CACNA1I: variants seen among roughly 807,000 people sequenced by gnomAD.
CACNA1I encodes the protein voltage-dependent T-type calcium channel subunit alpha-1I.
Under a neutral mutation model 201.6 loss-of-function variants are expected in CACNA1I, and 74 were observed. That is an observed-to-expected ratio of 0.37 (90% CI 0.30 to 0.45). The LOEUF (loss-of-function observed/expected upper bound fraction) is 0.45, where lower values mean the gene tolerates loss of function less well. CACNA1I is among the 20% of genes least tolerant of loss of function. The pLI, the probability that CACNA1I is intolerant of heterozygous loss-of-function variation, is 1.00. For synonymous variants in CACNA1I, 1,431 were observed against 1,345.2 expected (o/e 1.06, Z -1.40); for missense variants, 2,346 against 3,138.1 (o/e 0.75, Z 6.03).
chr22:39,580,119 G>A (rs1932501353), intron 1 of CACNA1I, among the ~76,000 whole-genome samples: 1 of 152,180 alleles, frequency 6.6e-6, no homozygotes, highest in South Asian at 2.1e-4. Flanking sequence ...AGATTTGGAG[G>A]AGACACACAT....
At chr22:39,654,751 G>A (rs979952017) in intron 10 of CACNA1I, among the ~76,000 whole-genome samples, 2 of 152,110 alleles carry the variant, frequency 1.3e-5, no homozygotes, top group Admixed American at 6.5e-5. Flanking sequence ...ATGACTAGGA[G>A]TTCATCAGCG....
At chr22:39,582,923 ACCATCCATCCATCCAAGCATCCAACTAT>A (rs1841621687) in intron 1 of CACNA1I, among the ~76,000 whole-genome samples, 3 of 144,608 alleles carry the variant, frequency 2.1e-5, no homozygotes, top group Non-Finnish European at 3.0e-5. Context: ...CATCCATCTA[ACCATCCATCCATCCAAGCATCCAACTAT>A]CCATCCATCC....
intron 4 of CACNA1I, among the ~76,000 whole-genome samples, chr22:39,623,173 G>A (rs1456050802): frequency 6.6e-6 from 1 of 151,944 alleles, no homozygotes; most frequent in Non-Finnish European, 1.5e-5. Context: ...GTGAGGGTGT[G>A]TGTGGGTGTG....
intron 3 of CACNA1I, among the ~76,000 whole-genome samples, chr22:39,610,599 C>T (rs1443056993): frequency 6.6e-6 from 1 of 152,182 alleles, no homozygotes; most frequent in East Asian, 1.9e-4. Flanking sequence ...AGGACTATCT[C>T]TGTTACGTGG....
intron 4 of CACNA1I, among the ~76,000 whole-genome samples, chr22:39,626,543 A>G (rs950260678): frequency 6.6e-6 from 1 of 151,728 alleles, no homozygotes; most frequent in Non-Finnish European, 1.5e-5. Context: ...CGTGGCGGGA[A>G]AAGGAGAGGG....
At chr22:39,620,004 CACCTGTCT>C in intron 4 of CACNA1I, among the ~76,000 whole-genome samples, 1 of 148,716 alleles carries the variant, frequency 6.7e-6, no homozygotes, top group Admixed American at 6.7e-5. Flanking sequence ...TCCACCCATC[CACCTGTCT>C]ATCCATCCAT....
At position 39,684,447 on chromosome 22, in the gene CACNA1I, C is replaced by A. The variant is rs1469029439; in HGVS notation, c.5976C>A (p.Gly1992=). 1 of 1,613,458 alleles carries A rather than the reference C, an allele frequency of 6.2e-7. No individual in the cohort carries two copies. Among genetic ancestry groups the A allele is most frequent in the African/African-American group, 1.3e-5 (1 of 74,936 alleles). ...TGTLPKIALQ[G]SWASLRSPRV... ...CCCTCCCCAAGATTGCGCTGCAGGGCTCCTGGGCATCTCTGCGGTCACCAA... is the reference window on the plus strand; with the variant it reads ...CCCTCCCCAAGATTGCGCTGCAGGGATCCTGGGCATCTCTGCGGTCACCAA... The change falls in exon 36 of 37, where the codon GGC becomes GGA. Residue 1992 remains glycine (G), a synonymous_variant. Transcript: ENST00000402142. The surrounding 1 kb of genome is among the most constrained non-coding windows in gnomAD (Gnocchi z 4.6).
intron 20 of CACNA1I, 36 bp from the exon 21 acceptor site, chr22:39,664,703 C>CCCCG: frequency 1.8e-6 from 2 of 1,092,570 alleles, no homozygotes; most frequent in Non-Finnish European, 2.7e-6. Flanking sequence ...CCGCCCCTCC[C>CCCCG]GCGGCAGCCT....
At chr22:39,584,224 T>C (rs1178114222) in intron 1 of CACNA1I, among the ~76,000 whole-genome samples, 1 of 151,814 alleles carries the variant, frequency 6.6e-6, no homozygotes, top group Non-Finnish European at 1.5e-5. Flanking sequence ...GTTTAGGTGG[T>C]GAAATGGACA....
At chr22:39,601,835 TTCCCTCCCTCCC>T (rs1300230702) in intron 3 of CACNA1I, among the ~76,000 whole-genome samples, 1 of 79,116 alleles carries the variant, frequency 1.3e-5, no homozygotes, top group African/African-American at 3.2e-5. Context: ...CCTTCCTTCC[TTCCCTCCCTCCC>T]TCCCTCCCTC....
At chr22:39,650,045 C>A in intron 10 of CACNA1I, 120 bp downstream of exon 10, 1 of 1,089,096 alleles carries the variant, frequency 9.2e-7, no homozygotes, top group Non-Finnish European at 1.4e-6. Context: ...CCTAGAAGTG[C>A]CGGGCTGAGC....
At chr22:39,577,033 C>A (rs886267456) in intron 1 of CACNA1I, among the ~76,000 whole-genome samples, 1 of 152,170 alleles carries the variant, frequency 6.6e-6, no homozygotes. Context: ...CTCACTGCAA[C>A]CTTCGCCTCC....
intron 3 of CACNA1I, among the ~76,000 whole-genome samples, chr22:39,614,096 C>A (rs1203571798): frequency 6.6e-6 from 1 of 152,146 alleles, no homozygotes; most frequent in Admixed American, 6.5e-5. Context: ...GATCCACCTG[C>A]CTTGGCCTCC....
intron 1 of CACNA1I, among the ~76,000 whole-genome samples, chr22:39,589,791 G>C (rs900285902): frequency 2.6e-5 from 4 of 152,188 alleles, no homozygotes; most frequent in Non-Finnish European, 5.9e-5. Flanking sequence ...AGGGACACTC[G>C]GTGTAGGTGC....
Position 39,688,683 on chromosome 22 carries a change from G to A in CACNA1I, c.*2278G>A, listed in dbSNP as rs1935953831. On this transcript the variant is annotated 3_prime_UTR_variant, in exon 37 of 37. Transcript: ENST00000402142. This position sits in a 1 kb window ranked among gnomAD's most constrained non-coding sequence, Gnocchi z 4.8. ...TTTCCTGTTGTCACATGGGTTCAGA[G>A]CAGCTGAGCAGGGAACACGTCCTAG... 6.6e-6 allele frequency: 1 copy of A among 152,262 alleles called. No homozygotes were observed. Among genetic ancestry groups the A allele is most frequent in the African/African-American group, 2.4e-5 (1 of 41,438 alleles). 9.4% of individuals were successfully genotyped at this position (152,262 alleles called of 1,614,324 possible).
chr22:39,578,552 C>T (rs940906447), intron 1 of CACNA1I, among the ~76,000 whole-genome samples: 18 of 152,220 alleles, frequency 1.2e-4, no homozygotes, highest in East Asian at 3.9e-4. Context: ...TACCCAAAAC[C>T]GTGTGACCTT....
In CACNA1I at chr22:39,665,307, C is replaced by T. The variant is rs2146456130; in HGVS notation, c.3852-191C>T. Reference sequence around the variant, plus strand: ...GGGTGCAGCTTGCCTCCTGCTCTGCCCGTGTCTGGGCTGCCTGGCCACTTT... The same window carrying T: ...GGGTGCAGCTTGCCTCCTGCTCTGCTCGTGTCTGGGCTGCCTGGCCACTTT... On this transcript the variant is annotated intron_variant, in intron 21 of 36. Coordinates refer to ENST00000402142, the MANE Select transcript of CACNA1I (RefSeq NM_021096.4). The surrounding 1 kb of genome is among the most constrained non-coding windows in gnomAD (Gnocchi z 5.5). 6.6e-6 allele frequency among the ~76,000 whole-genome samples: 1 copy of T among 152,254 alleles called. No homozygotes were observed. Among genetic ancestry groups the T allele is most frequent in the East Asian group, 1.9e-4 (1 of 5,184 alleles).
chr22:39,649,874 G>T lies in CACNA1I; in HGVS notation c.1941G>T (p.Met647Ile), dbSNP rs1242357919. 3.1e-6 allele frequency: 5 copies of T among 1,613,474 alleles called. No individual in the cohort carries two copies. Among genetic ancestry groups the T allele is most frequent in the Admixed American group, 1.7e-5 (1 of 60,006 alleles). Reference protein sequence around the residue: ...VDSKYFNRGIMMAILVNTVSM... With the variant: ...VDSKYFNRGIIMAILVNTVSM... ...GCAAGTACTTCAACCGGGGCATCATGATGGCCATCCTGGTCAACACCGTCA... is the reference window on the plus strand; with the variant it reads ...GCAAGTACTTCAACCGGGGCATCATTATGGCCATCCTGGTCAACACCGTCA... Residue 647 changes from methionine (M) to isoleucine (I), a missense_variant, in exon 10 of 37, where the codon ATG becomes ATT. Around this residue, in one of 13 missense-constraint regions of CACNA1I, gnomAD observed 312 missense variants for 331.5 expected, o/e 0.94. Transcript: ENST00000402142. The surrounding 1 kb of genome is among the most constrained non-coding windows in gnomAD (Gnocchi z 7.3).
In CACNA1I at chr22:39,632,139, G is replaced by A. The variant is rs569619965; in HGVS notation, c.581-2426G>A. On this transcript the variant is annotated intron_variant, in intron 4 of 36. Coordinates refer to ENST00000402142, the MANE Select transcript of CACNA1I (RefSeq NM_021096.4). ...TGTAATTAATTGAGCGACAAAGGCC[G>A]GCCCGAGGGAGAAGCAGGAGCGGGA... Among the ~76,000 whole-genome samples the A allele has an allele frequency of 9.2e-5, 14 of 152,236 alleles. No homozygotes were observed. The South Asian group carries it at 1.0e-3, about 11-fold the overall frequency.
Sources: gnomAD v4.1 joint callset for allele counts (sites outside exome capture counted in the v4.1 genomes callset) on GRCh38, gnomAD v4.1.1 for gene constraint, gnomAD v4.1.1 regional missense constraint, Gnocchi (gnomAD v3.1) non-coding constraint, MANE v1.5 for transcripts, NCBI Gene and HGNC (gene_info 2026-07-23, HGNC 2026-07-21) for gene names.